Variants in MRC1 observed in about 807,000 individuals in gnomAD.
MRC1 encodes the protein mannose receptor C-type 1.
In MRC1, 62 loss-of-function variants were observed where a neutral mutation model predicts 102.9. The observed-to-expected ratio is 0.60, with a 90% CI of 0.49 to 0.74. The LOEUF (loss-of-function observed/expected upper bound fraction) is 0.74, where lower values mean the gene tolerates loss of function less well. Among genes scored for constraint, MRC1 ranks in the 30% least tolerant of loss-of-function variants. MRC1 has a pLI of 0.00. For synonymous variants in MRC1, 457 were observed against 298.4 expected, an observed-to-expected ratio of 1.53 and a Z score of -5.48; for missense variants, 1,237 against 862.8, an observed-to-expected ratio of 1.43 and a Z score of -5.43.
chr10:17,883,439 TG>T (rs368135486), intron 21 of MRC1, among the ~76,000 whole-genome samples: 152,107 of 152,112 alleles, frequency 1, 76,051 homozygotes, highest in Middle Eastern at 1. Context: ...GTACTCATGC[TG>T]CTTTTTCTTT....
At chr10:17,849,548 AT>A (rs782362399) in intron 6 of MRC1, 30 bp from the exon 7 acceptor site, 9 of 681,588 alleles carry the variant, frequency 1.3e-5, no homozygotes, top group African/African-American at 3.1e-5. Context: ...ATCTTTTAAA[AT>A]TTTTTTCCGA....
chr10:17,893,041 GAAAAT>G (rs1833702862), intron 22 of MRC1, among the ~76,000 whole-genome samples: 1 of 151,364 alleles, frequency 6.6e-6, no homozygotes, highest in African/African-American at 2.4e-5. Flanking sequence ...AGATAACTGT[GAAAAT>G]AAACACAGTG....
At chr10:17,867,909 G>A (rs2130671907) in intron 12 of MRC1, among the ~76,000 whole-genome samples, 1 of 152,264 alleles carries the variant, frequency 6.6e-6, no homozygotes, top group African/African-American at 2.4e-5. Context: ...TATAATGATG[G>A]GTGAGGAAAG....
chr10:17,822,237 T>G (rs976647364), intron 1 of MRC1, among the ~76,000 whole-genome samples: 3 of 152,222 alleles, frequency 2.0e-5, no homozygotes, highest in Non-Finnish European at 4.4e-5. Context: ...TCCAATGATA[T>G]AAAACTTACA....
Position 17,833,627 on chromosome 10 carries a change from G to C in MRC1, c.638-48G>C, listed in dbSNP as rs545057284. On this transcript the variant is annotated intron_variant, in intron 3 of 29. Transcript: ENST00000569591. ...GTTTAAATAATACTATTCACTGGAA[G>C]TGTTTTCTATGCATAATGAACCAAA... 2.9e-4 allele frequency: 229 copies of C among 780,790 alleles called. 5 individuals carry two copies. The South Asian group carries it at 2.9e-3, about 10-fold the overall frequency. 48.4% of individuals were successfully genotyped at this position (780,790 alleles called of 1,614,324 possible).
At chr10:17,844,956 T>C (rs1202136694) in intron 5 of MRC1, among the ~76,000 whole-genome samples, 1 of 152,214 alleles carries the variant, frequency 6.6e-6, no homozygotes, top group African/African-American at 2.4e-5. Context: ...TTTCATTAGG[T>C]ACCTCTCTTT....
rs199821664 is a variant in MRC1, at chr10:17,875,845, T to C, written c.2550+592T>C. On this transcript the variant is annotated intron_variant, in intron 17 of 29. Coordinates refer to ENST00000569591, the MANE Select transcript of MRC1 (RefSeq NM_002438.4). ...AGTTCTTCAAGGAATCTCCATACTG[T>C]TTTGCATAGTGGTTGTACTAGCTTA... is the stretch of plus-strand genomic sequence containing the variant. 8.0e-3 allele frequency among the ~76,000 whole-genome samples: 1,217 copies of C among 152,334 alleles called. 59 individuals are homozygous for C. The East Asian group carries it at 0.12, about 14-fold the overall frequency.
At position 17,907,667 on chromosome 10, in the gene MRC1, C is replaced by T; in HGVS notation, c.4047C>T (p.Ser1349=). Residue 1349 remains serine (S), a synonymous_variant, in exon 28 of 30, where the codon TCC becomes TCT. Coordinates refer to ENST00000569591, the MANE Select transcript of MRC1 (RefSeq NM_002438.4). ...TTTGGAGTAATATTCACTGTTCATC[C>T]TACAAAGGATATATTTGTAAAAGAC... ...SGFWSNIHCS[S]YKGYICKRPK... 4 of 780,774 alleles carry T rather than the reference C, an allele frequency of 5.1e-6. No individual in the cohort carries two copies. Among genetic ancestry groups the T allele is most frequent in the Non-Finnish European group, 9.6e-6 (4 of 417,940 alleles). 48.4% of individuals were successfully genotyped at this position (780,774 alleles called of 1,614,324 possible). A position where few individuals can be genotyped will look rare whatever the true frequency, so the allele number is the denominator to read the frequency against.
intron 3 of MRC1, among the ~76,000 whole-genome samples, chr10:17,829,804 A>C (rs1255268668): frequency 6.6e-6 from 1 of 151,558 alleles, no homozygotes; most frequent in Admixed American, 6.6e-5. Flanking sequence ...GATTTCCTGA[A>C]TGAAATGTGG....
At chr10:17,868,168 T>C (rs1022501080) in intron 12 of MRC1, among the ~76,000 whole-genome samples, 1 of 152,198 alleles carries the variant, frequency 6.6e-6, no homozygotes, top group Non-Finnish European at 1.5e-5. Context: ...AAAATTAGCC[T>C]TAGCCAAATA....
chr10:17,855,182 C>CTT lies in MRC1; in HGVS notation c.1408-1058_1408-1057dup, dbSNP rs1380013346. Among the ~76,000 whole-genome samples the CTT allele has an allele frequency of 1.2e-3, 186 of 152,256 alleles. 1 individual carries two copies. Among genetic ancestry groups the CTT allele is most frequent in the African/African-American group, 4.2e-3 (174 of 41,542 alleles). ...AAAAGATGACTGTGGTTTCATGATG[C>CTT]TTTCAAGTTGGTGTGTTGGGTGCAG... is the stretch of plus-strand genomic sequence containing the variant. On this transcript the variant is annotated intron_variant, in intron 8 of 29. Transcript: ENST00000569591.
chr10:17,903,382 C>CTTT (rs1210207060), intron 26 of MRC1, among the ~76,000 whole-genome samples: 10 of 125,042 alleles, frequency 8.0e-5, no homozygotes, highest in South Asian at 2.6e-4. Context: ...TTTTTCTTTT[C>CTTT]TTTTTTTTTC....
At chr10:17,908,402 G>A (rs1833924646) in intron 28 of MRC1, among the ~76,000 whole-genome samples, 1 of 151,932 alleles carries the variant, frequency 6.6e-6, no homozygotes, top group Non-Finnish European at 1.5e-5. Flanking sequence ...AGCCTCCCGA[G>A]TAGCTGGGAT....
At chr10:17,840,498 T>C (rs976292385) in intron 4 of MRC1, among the ~76,000 whole-genome samples, 195 bp from the exon 5 acceptor site, 14 of 152,284 alleles carry the variant, frequency 9.2e-5, no homozygotes, top group African/African-American at 3.4e-4. Context: ...TGCCTCCGTT[T>C]CCCCACCTAT....
intron 1 of MRC1, among the ~76,000 whole-genome samples, chr10:17,817,879 G>A (rs1417228607): frequency 6.6e-6 from 1 of 152,192 alleles, no homozygotes; most frequent in East Asian, 1.9e-4. Context: ...TTCAGAGGAA[G>A]AAGTATGACA....
intron 16 of MRC1, 115 bp from the exon 17 acceptor site, chr10:17,874,975 T>C (rs782538740): frequency 0.069 from 52,223 of 752,302 alleles, 2,227 homozygotes; most frequent in South Asian, 0.089. Context: ...TCTCTCAGAG[T>C]TGCAGATGCC....
chr10:17,827,759 T>G (rs1838503026), intron 3 of MRC1, 44 bp downstream of exon 3: 2 of 779,876 alleles, frequency 2.6e-6, no homozygotes, highest in East Asian at 4.9e-5. Flanking sequence ...ACATTTAGTC[T>G]GATAATGTAG....
At chr10:17,844,178 C>T (rs2130631685) in intron 5 of MRC1, among the ~76,000 whole-genome samples, 1 of 152,222 alleles carries the variant, frequency 6.6e-6, no homozygotes, top group South Asian at 2.1e-4. Context: ...GCACAGCATG[C>T]TGCCCATCTA....
chr10:17,845,159 G>A (rs782090946), intron 5 of MRC1, 130 bp from the exon 6 acceptor site: 1 of 779,606 alleles, frequency 1.3e-6, no homozygotes, highest in East Asian at 2.4e-5. Flanking sequence ...ATTTTTTTGT[G>A]AATGTGTAGC....
Sources: allele counts gnomAD v4.1 joint callset (sites outside exome capture counted in the v4.1 genomes callset), GRCh38; gene constraint gnomAD v4.1.1; transcripts MANE v1.5; gene names NCBI Gene and HGNC (gene_info 2026-07-23, HGNC 2026-07-21).